The following CHRM3 variants were observed in gnomAD, a reference collection of about 807,000 sequenced individuals.
CHRM3 encodes cholinergic receptor muscarinic 3, also known as muscarinic acetylcholine receptor M3.
CHRM3 carries 11 observed loss-of-function variants against 41.8 expected under a neutral mutation model. The observed-to-expected ratio is 0.26, with a 90% confidence interval of 0.17 to 0.44. CHRM3 has a LOEUF of 0.44. Ranked by LOEUF, CHRM3 falls within the 20% of genes least tolerant of loss-of-function variation. CHRM3 has a pLI of 1.00. For missense variants in CHRM3, 571 were observed against 745.4 expected (o/e 0.77, Z 2.72); for synonymous variants, 297 against 301.4 (o/e 0.99, Z 0.15).
At chr1:239,618,645 C>T (rs1177785098) in intron 3 of CHRM3, among the ~76,000 whole-genome samples, 12 of 151,442 alleles carry the variant, frequency 7.9e-5, no homozygotes, top group South Asian at 2.1e-4. Context: ...GAGATCGAGA[C>T]CATCCTGGCT....
chr1:239,710,240 A>G (rs985150808), intron 5 of CHRM3, among the ~76,000 whole-genome samples: 2 of 152,176 alleles, frequency 1.3e-5, no homozygotes, highest in Non-Finnish European at 2.9e-5. Flanking sequence ...AACTGTATGC[A>G]TATAGATACT....
chr1:239,529,831 A>G (rs769819686), intron 2 of CHRM3, among the ~76,000 whole-genome samples: 1 of 152,072 alleles, frequency 6.6e-6, no homozygotes, highest in African/African-American at 2.4e-5. Flanking sequence ...CTTTTCATCT[A>G]TTAAAAACAA....
chr1:239,477,624 A>C (rs1283751579), intron 1 of CHRM3, among the ~76,000 whole-genome samples: 1 of 152,182 alleles, frequency 6.6e-6, no homozygotes, highest in Admixed American at 6.5e-5. Context: ...GAAGATCCCC[A>C]CCTTCACAAT....
intron 6 of CHRM3, among the ~76,000 whole-genome samples, chr1:239,859,906 G>C (rs1162067112): frequency 6.7e-6 from 1 of 149,548 alleles, no homozygotes; most frequent in Non-Finnish European, 1.5e-5. Flanking sequence ...ATGTGGACCA[G>C]TACTTTGCAA....
At chr1:239,602,110 G>GTGTGTGTATATA (rs1307023039) in intron 3 of CHRM3, among the ~76,000 whole-genome samples, 16 of 112,840 alleles carry the variant, frequency 1.4e-4, no homozygotes, top group African/African-American at 5.5e-4. Flanking sequence ...GTGTGTGTGT[G>GTGTGTGTATATA]TATATATATA....
chr1:239,795,615 C>A (rs1427879006), intron 5 of CHRM3, among the ~76,000 whole-genome samples: 1 of 152,148 alleles, frequency 6.6e-6, no homozygotes. Flanking sequence ...AAGATGAAAC[C>A]TTTTCTCCAT....
intron 3 of CHRM3, among the ~76,000 whole-genome samples, chr1:239,583,856 C>A (rs1175976947): frequency 1.3e-5 from 2 of 151,964 alleles, no homozygotes; most frequent in African/African-American, 4.8e-5. Flanking sequence ...ACTCTTGTGA[C>A]TATTTAGAGA....
At chr1:239,882,999 T>C (rs974013459) in intron 6 of CHRM3, among the ~76,000 whole-genome samples, 1 of 152,238 alleles carries the variant, frequency 6.6e-6, no homozygotes, top group Non-Finnish European at 1.5e-5. Context: ...CTTGCTCCAG[T>C]AGGTTAAGAA....
intron 5 of CHRM3, among the ~76,000 whole-genome samples, chr1:239,731,019 G>GA (rs1331130562): frequency 6.6e-6 from 1 of 151,852 alleles, no homozygotes; most frequent in Non-Finnish European, 1.5e-5. Flanking sequence ...AGGAGAATAA[G>GA]AAAAAATACA....
intron 6 of CHRM3, among the ~76,000 whole-genome samples, chr1:239,904,980 T>C (rs1257987104): frequency 6.6e-6 from 1 of 152,224 alleles, no homozygotes; most frequent in Non-Finnish European, 1.5e-5. Flanking sequence ...CCTGAGATCA[T>C]GGATTTTGGC....
chr1:239,491,657 T>G (rs932530353), intron 1 of CHRM3, among the ~76,000 whole-genome samples: 1 of 152,244 alleles, frequency 6.6e-6, no homozygotes, highest in East Asian at 1.9e-4. Flanking sequence ...GGAGGGCAGA[T>G]GTCTCTCGGA....
chr1:239,522,662 A>G (rs2148275825), intron 2 of CHRM3, among the ~76,000 whole-genome samples: 1 of 152,324 alleles, frequency 6.6e-6, no homozygotes, highest in African/African-American at 2.4e-5. Context: ...TGGGCTGCTG[A>G]CAATGAGGAG....
At chr1:239,638,567 A>G (rs1227642775) in intron 4 of CHRM3, among the ~76,000 whole-genome samples, 1 of 152,116 alleles carries the variant, frequency 6.6e-6, no homozygotes, top group African/African-American at 2.4e-5. Flanking sequence ...TCTTCTTTTG[A>G]GAAGTGTCTG....
At chr1:239,813,927 A>AAAAAAAAAAAAC (rs1671356258) in intron 5 of CHRM3, among the ~76,000 whole-genome samples, 2 of 149,172 alleles carry the variant, frequency 1.3e-5, no homozygotes, top group African/African-American at 5.1e-5. Flanking sequence ...AAAAAAAAAA[A>AAAAAAAAAAAAC]AAAAAAACTC....
At chr1:239,411,070 G>A (rs576521913) in intron 1 of CHRM3, among the ~76,000 whole-genome samples, 1 of 152,128 alleles carries the variant, frequency 6.6e-6, no homozygotes, top group Non-Finnish European at 1.5e-5. Flanking sequence ...TTGCATTCCT[G>A]TGTCACTAAC....
chr1:239,557,110 C>G (rs1660438246), intron 3 of CHRM3, among the ~76,000 whole-genome samples: 1 of 152,132 alleles, frequency 6.6e-6, no homozygotes, highest in Non-Finnish European at 1.5e-5. Context: ...AGAGAGCTAT[C>G]TTCTTTTGCT....
At chr1:239,743,345 A>G (rs1413546587) in intron 5 of CHRM3, among the ~76,000 whole-genome samples, 2 of 152,170 alleles carry the variant, frequency 1.3e-5, no homozygotes, top group Non-Finnish European at 2.9e-5. Flanking sequence ...GACATGTCTT[A>G]TTTGAATTTT....
intron 2 of CHRM3, among the ~76,000 whole-genome samples, chr1:239,543,674 AT>A (rs1659008249): frequency 6.6e-6 from 1 of 151,664 alleles, no homozygotes; most frequent in Admixed American, 6.6e-5. Flanking sequence ...CGCCCGGCTA[AT>A]TTTTTTGTAT....
intron 5 of CHRM3, among the ~76,000 whole-genome samples, chr1:239,824,370 C>G (rs1672289358): frequency 2.6e-5 from 4 of 152,228 alleles, no homozygotes; most frequent in Non-Finnish European, 1.5e-5. Context: ...TAGACTTTTT[C>G]CCTTGCTTAA....
Sources: allele counts gnomAD v4.1 joint callset (sites outside exome capture counted in the v4.1 genomes callset), GRCh38; gene constraint gnomAD v4.1.1; transcripts MANE v1.5; gene names NCBI Gene and HGNC (gene_info 2026-07-23, HGNC 2026-07-21).